Variants in ARHGEF10 observed in about 807,000 individuals in gnomAD.
The protein encoded by ARHGEF10 is Rho guanine nucleotide exchange factor (GEF) 10.
ARHGEF10 carries 140 observed loss-of-function variants against 147.4 expected under a neutral mutation model. That is an observed-to-expected ratio of 0.95 (90% CI 0.83 to 1.09). The LOEUF is 1.09. ARHGEF10 is among the 50% of genes least tolerant of loss of function. ARHGEF10 has a pLI of 0.00. For synonymous variants in ARHGEF10, 902 were observed against 695.8 expected, an observed-to-expected ratio of 1.30 and a Z score of -4.67; for missense variants, 2,222 against 1,752.7, an observed-to-expected ratio of 1.27 and a Z score of -4.78.
intron 28 of ARHGEF10, among the ~76,000 whole-genome samples, chr8:1,953,266 C>G (rs1815207570): frequency 4.5e-5 from 1 of 22,262 alleles, no homozygotes. Context: ...AAGAAGGAAG[C>G]CGGGATCTCC....
intron 7 of ARHGEF10, among the ~76,000 whole-genome samples, chr8:1,873,432 G>GCGCCCGCGGGGT (rs1807306754): frequency 1.4e-5 from 2 of 145,972 alleles, no homozygotes; most frequent in African/African-American, 2.5e-5. Flanking sequence ...GCATTGAGAG[G>GCGCCCGCGGGGT]AGCCCGCGGG....
chr8:1,835,722 G>A (rs1803539220), intron 1 of ARHGEF10, among the ~76,000 whole-genome samples: 1 of 152,180 alleles, frequency 6.6e-6, no homozygotes. Context: ...GTGCGGGTGT[G>A]TCCCCACAGT....
chr8:1,861,082 G>A (rs536850124), intron 4 of ARHGEF10, among the ~76,000 whole-genome samples: 1 of 152,196 alleles, frequency 6.6e-6, no homozygotes, highest in Non-Finnish European at 1.5e-5. Flanking sequence ...AGGACTGTGG[G>A]TGCCCTCGTG....
intron 18 of ARHGEF10, among the ~76,000 whole-genome samples, chr8:1,921,871 A>G (rs948921798): frequency 8.5e-5 from 13 of 152,334 alleles, no homozygotes; most frequent in African/African-American, 3.1e-4. Context: ...GCTGAAACAC[A>G]AGGCACTTTA....
rs1413332368 is a variant in ARHGEF10 at position 1,837,007 on chromosome 8, C to T, written c.-47-6346C>T. Among the ~76,000 whole-genome samples the T allele has an allele frequency of 2.6e-5, 4 of 152,240 alleles. No homozygotes were observed. The East Asian group carries it at 7.7e-4, about 29-fold the overall frequency. On this transcript the variant is annotated intron_variant, in intron 1 of 28. Coordinates refer to ENST00000349830, the MANE Select transcript of ARHGEF10 (RefSeq NM_014629.4). ...TGTGGAACTATAAGTCCAATTAAAG[C>T]TCTTTTTGTTTCCAGTCTCAGATAC...
At chr8:1,931,142 G>C (rs1813108702) in intron 25 of ARHGEF10, among the ~76,000 whole-genome samples, 1 of 152,210 alleles carries the variant, frequency 6.6e-6, no homozygotes. Flanking sequence ...TCTGCTCCAC[G>C]GTAGGCGGAG....
At chr8:1,890,326 C>G (rs141939777) in intron 11 of ARHGEF10, among the ~76,000 whole-genome samples, 2,736 of 127,924 alleles carry the variant, frequency 0.021, 46 homozygotes, top group Non-Finnish European at 0.033. Context: ...GGGTTGTGAG[C>G]AGATACTGAG....
intron 2 of ARHGEF10, among the ~76,000 whole-genome samples, chr8:1,852,503 G>T (rs372297529): frequency 8.4e-5 from 12 of 143,534 alleles, no homozygotes; most frequent in Admixed American, 2.8e-4. Flanking sequence ...GAGCAGCACC[G>T]TTTCTGTCCT....
In ARHGEF10 at chr8:1,876,326, G is replaced by A. The variant is rs1232728200; in HGVS notation, c.680-245G>A. 4 of 569,346 alleles carry A rather than the reference G, an allele frequency of 7.0e-6. No homozygotes were observed. In the East Asian group the frequency reaches 1.2e-4, roughly 17 times the overall value. The allele number at this position is 569,346 out of a possible 1,614,324, so 35.3% of individuals were successfully genotyped here. ...CCAGGTGGTCCTCGGGGTACAGATG[G>A]GGCAGGGGCACTTGTGAGAAACACC... On this transcript the variant is annotated intron_variant, in intron 7 of 28. Coordinates refer to ENST00000349830, the MANE Select transcript of ARHGEF10 (RefSeq NM_014629.4).
intron 1 of ARHGEF10, among the ~76,000 whole-genome samples, chr8:1,833,818 G>A (rs1362695416): frequency 3.3e-5 from 5 of 152,228 alleles, no homozygotes; most frequent in African/African-American, 1.2e-4. Context: ...TCCCTGTGCT[G>A]CTTCCCTGGG....
At chr8:1,949,805 G>A (rs1251548038) in intron 27 of ARHGEF10, among the ~76,000 whole-genome samples, 1 of 152,178 alleles carries the variant, frequency 6.6e-6, no homozygotes, top group Non-Finnish European at 1.5e-5. Context: ...GCCTTTCTCG[G>A]TGGCCGGTGT....
chr8:1,894,313 G>A (rs1809791714), intron 12 of ARHGEF10, 80 bp from the exon 13 acceptor site: 3 of 1,495,868 alleles, frequency 2.0e-6, no homozygotes, highest in East Asian at 4.6e-5. Flanking sequence ...TCGCACCACT[G>A]CGCTGCACCC....
At chr8:1,852,741 A>G (rs1805243250) in intron 2 of ARHGEF10, among the ~76,000 whole-genome samples, 1 of 152,242 alleles carries the variant, frequency 6.6e-6, no homozygotes, top group African/African-American at 2.4e-5. Context: ...GCCTTAATTG[A>G]TGAGCCAATT....
At chr8:1,942,798 G>C (rs925892417) in intron 26 of ARHGEF10, among the ~76,000 whole-genome samples, 3 of 152,164 alleles carry the variant, frequency 2.0e-5, no homozygotes, top group Non-Finnish European at 4.4e-5. Context: ...GGATGAACCT[G>C]GAAAATGCCA....
Position 1,901,054 on chromosome 8 carries a change from G to A in ARHGEF10, c.1651-2227G>A, listed in dbSNP as rs777472711. 3.9e-5 allele frequency among the ~76,000 whole-genome samples: 6 copies of A among 152,052 alleles called. No homozygotes were observed. The East Asian group carries it at 9.6e-4, about 24-fold the overall frequency. ...TCGGAGGGGAGCAGGGTGGGTCCAC[G>A]TACTTTGGAAGAGGCAGAGTTGGAA... On this transcript the variant is annotated intron_variant, in intron 15 of 28. Transcript: ENST00000349830.
chr8:1,917,817 C>G (rs1233356039), intron 18 of ARHGEF10, among the ~76,000 whole-genome samples: 2 of 151,912 alleles, frequency 1.3e-5, no homozygotes, highest in African/African-American at 4.8e-5. Flanking sequence ...CTCTGTTGCC[C>G]AGGCTGGAGT....
chr8:1,923,082 A>G lies in ARHGEF10; in HGVS notation c.2259+3A>G, dbSNP rs762188017. On this transcript the variant is annotated splice_donor_region_variant and intron_variant, in intron 19 of 28. Coordinates refer to ENST00000349830, the MANE Select transcript of ARHGEF10 (RefSeq NM_014629.4). ...GAAACCTTAAAGGAAACTATCAGGT[A>G]ACAATTGAAGCAATTGGATTTAAGA... 1 of 1,582,910 alleles carries G rather than the reference A, an allele frequency of 6.3e-7. No individual in the cohort carries two copies. The highest frequency in any genetic ancestry group is 8.7e-7 in the Non-Finnish European group (1 of 1,152,670).
chr8:1,832,918 GCAGAGA>G lies in ARHGEF10; in HGVS notation c.-48+8811_-48+8816del, dbSNP rs1466225326. Among the ~76,000 whole-genome samples, 177 of 61,784 alleles carry G rather than the reference GCAGAGA, an allele frequency of 2.9e-3. 9 individuals carry two copies. The highest frequency in any genetic ancestry group is 0.019 in the Middle Eastern group (1 of 52). 40.5% of individuals were successfully genotyped at this position (61,784 alleles called of 152,430 possible). A position where few individuals can be genotyped will look rare whatever the true frequency, so the allele number is the denominator to read the frequency against. ...CGCAGAGACAGAGAGACAGACAGAG[GCAGAGA>G]CAGAGGCAGAGACAGAAGCAGAGAC... On this transcript the variant is annotated intron_variant, in intron 1 of 28. Coordinates refer to ENST00000349830, the MANE Select transcript of ARHGEF10 (RefSeq NM_014629.4).
chr8:1,915,114 G>A (rs1249701750), intron 18 of ARHGEF10, among the ~76,000 whole-genome samples: 5 of 152,128 alleles, frequency 3.3e-5, no homozygotes, highest in Admixed American at 6.5e-5. Context: ...GCAGATGAAC[G>A]GCCTCCCTTC....
Sources: gnomAD v4.1 joint callset for allele counts (sites outside exome capture counted in the v4.1 genomes callset) on GRCh38, gnomAD v4.1.1 for gene constraint, MANE v1.5 for transcripts, NCBI Gene and HGNC (gene_info 2026-07-23, HGNC 2026-07-21) for gene names.